The following FBXL7 variants were observed in gnomAD, a reference collection of about 807,000 sequenced individuals.
FBXL7 encodes the protein F-box/LRR-repeat protein 7.
Under a neutral mutation model 38.3 loss-of-function variants are expected in FBXL7, and 12 were observed. The observed-to-expected ratio is 0.31, with a 90% CI of 0.20 to 0.51. The LOEUF (loss-of-function observed/expected upper bound fraction) is 0.51. Ranked by LOEUF, FBXL7 falls within the 20% of genes least tolerant of loss-of-function variation. The probability of loss-of-function intolerance (pLI) is 0.98; values close to 1 mark genes in which losing one functional copy is unlikely to be tolerated. For missense variants in FBXL7, 567 were observed against 676.4 expected (o/e 0.84, Z 1.79); for synonymous variants, 297 against 300.9 (o/e 0.99, Z 0.13).
At chr5:15,560,395 G>T (rs2126436226) in intron 1 of FBXL7, among the ~76,000 whole-genome samples, 1 of 152,276 alleles carries the variant, frequency 6.6e-6, no homozygotes, top group East Asian at 1.9e-4. Flanking sequence ...GTGATGCTTG[G>T]AAACCAGTTC....
At chr5:15,744,886 G>A (rs1285961858) in intron 2 of FBXL7, among the ~76,000 whole-genome samples, 1 of 152,046 alleles carries the variant, frequency 6.6e-6, no homozygotes, top group East Asian at 1.9e-4. Flanking sequence ...GCAAAAAGGG[G>A]AAAGCCCCTT....
chr5:15,561,101 A>G (rs889514277), intron 1 of FBXL7, among the ~76,000 whole-genome samples: 20 of 152,164 alleles, frequency 1.3e-4, no homozygotes, highest in African/African-American at 4.6e-4. Flanking sequence ...TTCTGAAGTA[A>G]AGAGTTTCTT....
chr5:15,836,817 A>G (rs1275583158), intron 2 of FBXL7, among the ~76,000 whole-genome samples: 3 of 152,180 alleles, frequency 2.0e-5, no homozygotes, highest in Non-Finnish European at 4.4e-5. Context: ...TGCTGTGGCC[A>G]TCCACATCAT....
intron 1 of FBXL7, among the ~76,000 whole-genome samples, chr5:15,574,220 A>AATGGTTT (rs1356456013): frequency 1.3e-5 from 2 of 152,214 alleles, no homozygotes; most frequent in Admixed American, 1.3e-4. Flanking sequence ...CCATCTCCAG[A>AATGGTTT]ATGGTTTATC....
chr5:15,633,423 C>T (rs996642912), intron 2 of FBXL7, among the ~76,000 whole-genome samples: 17 of 151,988 alleles, frequency 1.1e-4, no homozygotes, highest in Admixed American at 1.1e-3. Flanking sequence ...TATTCAATAC[C>T]GACCTGTATA....
At chr5:15,526,741 G>C (rs1685524785) in intron 1 of FBXL7, among the ~76,000 whole-genome samples, 1 of 152,158 alleles carries the variant, frequency 6.6e-6, no homozygotes, top group African/African-American at 2.4e-5. Flanking sequence ...TCTGGAAGGG[G>C]AAACCTCATA....
rs780440601 is a variant in FBXL7 at position 15,927,859 on chromosome 5, T to A, written c.128-31T>A. 5 of 1,501,226 alleles carry A rather than the reference T, an allele frequency of 3.3e-6. No individual in the cohort carries two copies. The African/African-American group carries it at 7.0e-5, about 21-fold the overall frequency. The allele number at this position is 1,501,226 out of a possible 1,614,324, so 93.0% of individuals were successfully genotyped here. A position where few individuals can be genotyped will look rare whatever the true frequency, so the allele number is the denominator to read the frequency against. ...CCCTGGGGCTCTGCTGAGGCCATCA[T>A]GATTAACCTTTGTTCTCTGTCCTTT... On this transcript the variant is annotated intron_variant, in intron 2 of 3. Transcript: ENST00000504595.
chr5:15,755,216 T>G (rs1335832094), intron 2 of FBXL7, among the ~76,000 whole-genome samples: 1 of 152,176 alleles, frequency 6.6e-6, no homozygotes, highest in Non-Finnish European at 1.5e-5. Context: ...AGAAATTAAA[T>G]TGTATTTTGT....
At chr5:15,826,531 G>T (rs1738314126) in intron 2 of FBXL7, among the ~76,000 whole-genome samples, 1 of 152,078 alleles carries the variant, frequency 6.6e-6, no homozygotes, top group South Asian at 2.1e-4. Context: ...TGATTCTTGT[G>T]CCTCAGCCTC....
chr5:15,720,099 G>A (rs1275279588), intron 2 of FBXL7, among the ~76,000 whole-genome samples: 1 of 149,008 alleles, frequency 6.7e-6, no homozygotes, highest in African/African-American at 2.4e-5. Flanking sequence ...TTGCAATCTT[G>A]GTTGAATTGC....
intron 2 of FBXL7, among the ~76,000 whole-genome samples, chr5:15,643,909 G>A (rs1309017733): frequency 6.6e-6 from 1 of 152,146 alleles, no homozygotes; most frequent in Non-Finnish European, 1.5e-5. Flanking sequence ...GCTTAGATGT[G>A]TGTCTGACTC....
intron 2 of FBXL7, among the ~76,000 whole-genome samples, chr5:15,700,017 C>T (rs1743472169): frequency 6.6e-6 from 1 of 152,188 alleles, no homozygotes; most frequent in African/African-American, 2.4e-5. Context: ...TTGCTTAACT[C>T]ATAGCCCATG....
Position 15,936,751 on chromosome 5 carries a change from G to A in FBXL7, c.1041G>A (p.Lys347=). 2.5e-6 allele frequency: 4 copies of A among 1,609,870 alleles called. No individual in the cohort carries two copies. The highest frequency in any genetic ancestry group is 3.4e-6 in the Non-Finnish European group (4 of 1,179,256). The part of the protein sequence containing the change: ...VSDFGLREIA[K]LESRLRYLSI... Reference sequence around the variant, plus strand: ...ACTTCGGCCTGCGGGAGATCGCCAAGCTGGAGTCCCGCCTGCGGTACCTGA... The same window carrying A: ...ACTTCGGCCTGCGGGAGATCGCCAAACTGGAGTCCCGCCTGCGGTACCTGA... The change falls in exon 4 of 4, where the codon AAG becomes AAA. Residue 347 remains lysine, a synonymous_variant. Coordinates refer to ENST00000504595, the MANE Select transcript of FBXL7 (RefSeq NM_012304.5). This position sits in a 1 kb window ranked among gnomAD's most constrained non-coding sequence, Gnocchi z 6.0.
intron 2 of FBXL7, among the ~76,000 whole-genome samples, chr5:15,692,485 C>T (rs1432991213): frequency 6.6e-6 from 1 of 152,100 alleles, no homozygotes; most frequent in Non-Finnish European, 1.5e-5. Flanking sequence ...TCTTTGCTTG[C>T]CTCTCAGTTT....
intron 2 of FBXL7, among the ~76,000 whole-genome samples, chr5:15,658,701 G>T (rs1349077465): frequency 6.6e-6 from 1 of 152,098 alleles, no homozygotes; most frequent in East Asian, 1.9e-4. Flanking sequence ...CAAGCAGGGG[G>T]TATGTGACTG....
intron 2 of FBXL7, among the ~76,000 whole-genome samples, chr5:15,784,239 C>G (rs1381916328): frequency 6.6e-6 from 1 of 152,086 alleles, no homozygotes. Flanking sequence ...CTGTGAGTAT[C>G]AGATTCCCCA....
intron 2 of FBXL7, among the ~76,000 whole-genome samples, chr5:15,646,937 TG>T (rs1432450621): frequency 2.0e-5 from 3 of 152,230 alleles, no homozygotes; most frequent in Non-Finnish European, 2.9e-5. Context: ...AGAGATAATG[TG>T]TCCTCACTAT....
chr5:15,861,784 G>A (rs1739484620), intron 2 of FBXL7, among the ~76,000 whole-genome samples: 1 of 152,196 alleles, frequency 6.6e-6, no homozygotes, highest in South Asian at 2.1e-4. Context: ...CTGGTGCAAT[G>A]TGGCACATTG....
chr5:15,855,066 C>A (rs1433555874), intron 2 of FBXL7, among the ~76,000 whole-genome samples: 1 of 152,094 alleles, frequency 6.6e-6, no homozygotes, highest in East Asian at 1.9e-4. Flanking sequence ...ATTTAGTTGA[C>A]CTCATCCAAA....
Sources: gnomAD v4.1 joint callset for allele counts (sites outside exome capture counted in the v4.1 genomes callset) on GRCh38, gnomAD v4.1.1 for gene constraint, Gnocchi (gnomAD v3.1) non-coding constraint, MANE v1.5 for transcripts, NCBI Gene and HGNC (gene_info 2026-07-23, HGNC 2026-07-21) for gene names.